The following APP variants were observed in gnomAD, a reference collection of about 807,000 sequenced individuals.
APP encodes the protein amyloid-beta precursor protein.
A neutral mutation model predicts 101.4 loss-of-function variants in APP; 31 were observed. The observed-to-expected ratio is 0.31, with a 90% CI of 0.23 to 0.41. APP has a LOEUF of 0.41. Among genes scored for constraint, APP ranks in the 10% least tolerant of loss-of-function variants. The probability of loss-of-function intolerance (pLI) is 1.00; values close to 1 mark genes in which losing one functional copy is unlikely to be tolerated. For synonymous variants in APP, 366 were observed against 364.4 expected (o/e 1.00, Z -0.05); for missense variants, 839 against 1,003.7 (o/e 0.84, Z 2.22).
chr21:25,982,377 CCT>C lies in APP; in HGVS notation c.1189_1190del (p.Arg397AlafsTer2), dbSNP rs1568804656. The C allele has an allele frequency of 6.2e-7, 1 of 1,613,878 alleles. No homozygotes were observed. Among genetic ancestry groups the C allele is most frequent in the Non-Finnish European group, 8.5e-7 (1 of 1,179,906 alleles). ...TTCTCTCTCGGTGCTTGGCCTCAAG[CCT>C]CTCTTTGGCTTTCTGGAAATGGGCA... ...EHAHFQKAKERLEAKHRERMS... is the reference protein window; with the variant it reads ...EHAHFQKAKEXLEAKHRERMS... On this transcript the variant is annotated frameshift_variant, in exon 9 of 18. Transcript: ENST00000346798. LOFTEE classifies it high-confidence loss of function.
intron 13 of APP, among the ~76,000 whole-genome samples, chr21:25,929,925 A>G (rs896009522): frequency 2.0e-5 from 3 of 152,144 alleles, no homozygotes; most frequent in Admixed American, 1.3e-4. Flanking sequence ...TGAACCCACT[A>G]AGAGAGAGCA....
At chr21:26,168,346 G>A (rs755089298) in intron 1 of APP, among the ~76,000 whole-genome samples, 2 of 152,072 alleles carry the variant, frequency 1.3e-5, no homozygotes, top group Non-Finnish European at 2.9e-5. Flanking sequence ...TGGACACAGA[G>A]AGAACCAGAT....
chr21:25,932,009 T>C (rs567303878), intron 13 of APP, among the ~76,000 whole-genome samples: 6 of 152,336 alleles, frequency 3.9e-5, no homozygotes, highest in African/African-American at 1.4e-4. Flanking sequence ...TGCTAGACAA[T>C]GAACAGTTCC....
intron 16 of APP, among the ~76,000 whole-genome samples, chr21:25,897,196 T>TC (rs2038113699): frequency 6.6e-6 from 1 of 151,698 alleles, no homozygotes; most frequent in South Asian, 2.1e-4. Context: ...CACTGCAACC[T>TC]CCACCTCCTG....
chr21:26,078,797 G>A (rs574510218), intron 3 of APP, among the ~76,000 whole-genome samples: 17 of 152,314 alleles, frequency 1.1e-4, no homozygotes, highest in Non-Finnish European at 2.4e-4. Flanking sequence ...TGTAATCCCA[G>A]CACTTTGGGA....
intron 9 of APP, among the ~76,000 whole-genome samples, chr21:25,977,559 A>T (rs1601092370): frequency 6.6e-6 from 1 of 152,288 alleles, no homozygotes; most frequent in African/African-American, 2.4e-5. Flanking sequence ...ATATCAAATC[A>T]CCATGTGGGT....
Position 25,892,964 on chromosome 21 carries a change from A to AAAAAC in APP, c.2065-1097_2065-1096insGTTTT, listed in dbSNP as rs1555889466. 3.4e-3 allele frequency among the ~76,000 whole-genome samples: 518 copies of AAAAAC among 151,320 alleles called. 2 individuals carry two copies. Among genetic ancestry groups the AAAAAC allele is most frequent in the African/African-American group, 0.012 (485 of 41,214 alleles). ...AGATAGTATTTAAAAAAAAAAAACA[A>AAAAAC]AAAGGTTTCTGGTAACCCTGCATCG... On this transcript the variant is annotated intron_variant, in intron 16 of 17. Transcript: ENST00000346798.
At chr21:25,888,478 G>A (rs954261311) in intron 17 of APP, among the ~76,000 whole-genome samples, 4 of 152,156 alleles carry the variant, frequency 2.6e-5, no homozygotes, top group African/African-American at 9.7e-5. Flanking sequence ...ACACTATGGG[G>A]CTGCACAGAG....
intron 2 of APP, among the ~76,000 whole-genome samples, chr21:26,103,847 T>C (rs940327283): frequency 1.1e-4 from 16 of 152,190 alleles, no homozygotes; most frequent in African/African-American, 3.6e-4. Flanking sequence ...TCCCTAGAAA[T>C]GTTAATTCTC....
intron 3 of APP, among the ~76,000 whole-genome samples, chr21:26,057,658 T>C (rs2145981087): frequency 6.6e-6 from 1 of 152,206 alleles, no homozygotes; most frequent in East Asian, 1.9e-4. Flanking sequence ...ACTGTCTAGC[T>C]CAAATTACCT....
At chr21:26,102,945 T>C (rs946171424) in intron 2 of APP, among the ~76,000 whole-genome samples, 1 of 149,608 alleles carries the variant, frequency 6.7e-6, no homozygotes, top group Admixed American at 6.7e-5. Context: ...TGTATTCGAG[T>C]TGTTTCCATA....
At chr21:25,987,916 T>C (rs975092702) in intron 8 of APP, among the ~76,000 whole-genome samples, 2 of 152,122 alleles carry the variant, frequency 1.3e-5, no homozygotes, top group African/African-American at 4.8e-5. Flanking sequence ...AAAGAAACAA[T>C]TACCACAAGA....
chr21:26,104,574 T>G (rs560250561), intron 2 of APP, among the ~76,000 whole-genome samples: 2 of 152,320 alleles, frequency 1.3e-5, no homozygotes, highest in African/African-American at 4.8e-5. Flanking sequence ...GTTTTTACTT[T>G]TTCTCTTGAA....
intron 17 of APP, among the ~76,000 whole-genome samples, chr21:25,883,175 G>T (rs1390230331): frequency 6.6e-6 from 1 of 152,152 alleles, no homozygotes; most frequent in African/African-American, 2.4e-5. Flanking sequence ...GCCTGAGGTG[G>T]GTGCGTCACT....
intron 1 of APP, among the ~76,000 whole-genome samples, chr21:26,160,079 CAGAG>C (rs76104523): frequency 0.37 from 56,868 of 151,786 alleles, 11,769 homozygotes; most frequent in African/African-American, 0.57. Flanking sequence ...GTCCAACAGA[CAGAG>C]GTGGCTTCTA....
chr21:26,128,391 T>A lies in APP; in HGVS notation c.58-16245A>T, dbSNP rs536175184. Among the ~76,000 whole-genome samples, 3 of 152,338 alleles carry A rather than the reference T, an allele frequency of 2.0e-5. No individual in the cohort carries two copies. The South Asian group carries it at 6.2e-4, about 32-fold the overall frequency. On this transcript the variant is annotated intron_variant, in intron 1 of 17. Transcript: ENST00000346798. Reference sequence around the variant, plus strand: ...TTCTAAACAGAGCTAAGAAGCAAATTTCAAGATATTAAATTTTTTTGGTTC... The same window carrying A: ...TTCTAAACAGAGCTAAGAAGCAAATATCAAGATATTAAATTTTTTTGGTTC...
At chr21:25,994,331 GT>G (rs527336754) in intron 8 of APP, among the ~76,000 whole-genome samples, 33 of 150,806 alleles carry the variant, frequency 2.2e-4, no homozygotes, top group Middle Eastern at 3.4e-3. Context: ...ATGAGAAAGG[GT>G]TTTTTTTTAA....
intron 13 of APP, 46 bp from the exon 14 acceptor site, chr21:25,912,008 ACAGCAG>A (rs573530195): frequency 1.4e-6 from 2 of 1,444,398 alleles, no homozygotes; most frequent in Non-Finnish European, 1.9e-6. Flanking sequence ...AACAATCACA[ACAGCAG>A]CAGCAGCAGC....
intron 15 of APP, among the ~76,000 whole-genome samples, chr21:25,899,843 T>A (rs924174261): frequency 2.2e-4 from 34 of 152,296 alleles, no homozygotes; most frequent in African/African-American, 8.2e-4. Flanking sequence ...CTCATGTTGA[T>A]CTATCTCGGG....
Sources: gnomAD v4.1 joint callset for allele counts (sites outside exome capture counted in the v4.1 genomes callset) on GRCh38, gnomAD v4.1.1 for gene constraint, MANE v1.5 for transcripts, NCBI Gene and HGNC (gene_info 2026-07-23, HGNC 2026-07-21) for gene names.